The following CCND3 variants were observed in gnomAD, a reference collection of about 807,000 sequenced individuals.
CCND3 encodes G1/S-specific cyclin-D3.
CCND3 carries 9 observed loss-of-function variants against 28.7 expected under a neutral mutation model. The ratio of observed to expected loss-of-function variants is 0.31; its 90% CI spans 0.19 to 0.55. The LOEUF is 0.55. CCND3 is among the 20% of genes least tolerant of loss of function. The pLI is 0.93. For synonymous variants in CCND3, 164 were observed against 163.9 expected (o/e 1.00, Z 0.00); for missense variants, 315 against 385.8 (o/e 0.82, Z 1.54).
intron 1 of CCND3, among the ~76,000 whole-genome samples, chr6:41,952,954 A>G (rs1776349363): frequency 6.6e-6 from 1 of 152,184 alleles, no homozygotes; most frequent in African/African-American, 2.4e-5. Context: ...AATGACAGGC[A>G]TTGGGAATTG....
chr6:41,960,216 T>C (rs1761683213), intron 1 of CCND3, among the ~76,000 whole-genome samples: 2 of 152,166 alleles, frequency 1.3e-5, no homozygotes, highest in Admixed American at 1.3e-4. Flanking sequence ...AGATTCATGG[T>C]TGCCAGTGAC....
rs776516252 is a variant in CCND3, at chr6:41,936,518, TTA to T, written c.711+39_711+40del. On this transcript the variant is annotated intron_variant, in intron 4 of 4. Coordinates refer to ENST00000372991, the MANE Select transcript of CCND3 (RefSeq NM_001760.5). This position sits in a 1 kb window ranked among gnomAD's most constrained non-coding sequence, Gnocchi z 4.4. Reference sequence around the variant, plus strand: ...TGGAGGCTCAGGGCATAGCACTACTTTATGAATGGAGAGGCTGCTGCCCAGCT... The same window carrying T: ...TGGAGGCTCAGGGCATAGCACTACTTTGAATGGAGAGGCTGCTGCCCAGCT... The T allele has an allele frequency of 2.5e-6, 4 of 1,610,468 alleles. No individual in the cohort carries two copies. Among genetic ancestry groups the T allele is most frequent in the African/African-American group, 1.3e-5 (1 of 74,822 alleles).
At chr6:41,976,231 A>G (rs1373337670) in intron 1 of CCND3, among the ~76,000 whole-genome samples, 4 of 152,120 alleles carry the variant, frequency 2.6e-5, no homozygotes, top group Non-Finnish European at 4.4e-5. Context: ...ACACACCTGT[A>G]GTCCCAGCTA....
chr6:41,940,690 A>G, intron 1 of CCND3, 105 bp from the exon 2 acceptor site: 1 of 836,556 alleles, frequency 1.2e-6, no homozygotes, highest in Non-Finnish European at 2.0e-6. Flanking sequence ...AAAACGGCAG[A>G]GAGGGTAAGC....
At chr6:41,965,058 CTTTTTTTTTTTTTTTTTTTTT>C (rs56138276) in intron 1 of CCND3, among the ~76,000 whole-genome samples, 1 of 82,094 alleles carries the variant, frequency 1.2e-5, no homozygotes, top group Non-Finnish European at 2.1e-5. Flanking sequence ...TTTCACGTTG[CTTTTTTTTTTTTTTTTTTTTT>C]TTTTTTTTGA....
At chr6:42,012,866 C>T (rs757524669) in intron 1 of CCND3, among the ~76,000 whole-genome samples, 14 of 152,140 alleles carry the variant, frequency 9.2e-5, no homozygotes, top group Non-Finnish European at 1.6e-4. Context: ...CAGATGAATC[C>T]AGGCTCTTCT....
chr6:42,019,018 T>C (rs182238848), intron 1 of CCND3, among the ~76,000 whole-genome samples: 277 of 152,272 alleles, frequency 1.8e-3, no homozygotes, highest in African/African-American at 6.4e-3. Context: ...ATTTCAGTCA[T>C]GTTCTAAAAT....
chr6:41,941,516 A>C lies in CCND3; in HGVS notation c.134T>G (p.Phe45Cys). 6.2e-7 allele frequency: 1 copy of C among 1,607,244 alleles called. No homozygotes were observed. ...CTTGATCTCCCGCTGCACGCACTGG[A>C]AGTAGGAGGCGCGGGGTACGTAGCG... ...EERYVPRASY[F>C]QCVQREIKPH... Residue 45 changes from phenylalanine (F) to cysteine (C), a missense_variant, in exon 1 of 5, where the codon TTC becomes TGC. By Grantham distance (205) the Phe-to-Cys change is radical (BLOSUM62 -2). Transcript: ENST00000372991. The surrounding 1 kb of genome is among the most constrained non-coding windows in gnomAD (Gnocchi z 6.1).
intron 1 of CCND3, among the ~76,000 whole-genome samples, chr6:41,964,421 A>C (rs1761807968): frequency 7.5e-6 from 1 of 133,626 alleles, no homozygotes; most frequent in Non-Finnish European, 1.6e-5. Context: ...TCTGTGTGTG[A>C]ATGTGTTTGT....
intron 1 of CCND3, among the ~76,000 whole-genome samples, chr6:41,989,470 A>AC (rs1190197853): frequency 6.6e-6 from 1 of 151,066 alleles, no homozygotes; most frequent in Non-Finnish European, 1.5e-5. Flanking sequence ...AAAAAAACAA[A>AC]AAAAAAAAAC....
chr6:41,935,610 C>T lies in CCND3; in HGVS notation c.*330G>A, dbSNP rs1404058345. The T allele has an allele frequency of 2.2e-6, 1 of 447,914 alleles. No individual in the cohort carries two copies. Among genetic ancestry groups the T allele is most frequent in the East Asian group, 3.1e-5 (1 of 32,642 alleles). 27.7% of individuals were successfully genotyped at this position (447,914 alleles called of 1,614,324 possible). On this transcript the variant is annotated 3_prime_UTR_variant, in exon 5 of 5. Transcript: ENST00000372991. ...TTGGCAGTTGAAAACATGAGAGCCC[C>T]CAGGGGTGGGGGGGGGCGTTCAAAA...
In CCND3 at chr6:41,938,430, C is replaced by G. The variant is rs992143420; in HGVS notation, c.415-1036G>C. ...CAAATCAACCCCTACCCTCACAGAG[C>G]CCCAGAGAAAATAGCCTGGCCTGGA... On this transcript the variant is annotated intron_variant, in intron 2 of 4. Coordinates refer to ENST00000372991, the MANE Select transcript of CCND3 (RefSeq NM_001760.5). The surrounding 1 kb of genome is among the most constrained non-coding windows in gnomAD (Gnocchi z 4.6). 2.0e-5 allele frequency among the ~76,000 whole-genome samples: 3 copies of G among 152,208 alleles called. No individual in the cohort carries two copies. The highest frequency in any genetic ancestry group is 2.1e-4 in the South Asian group (1 of 4,832).
chr6:42,016,092 C>T (rs548036885), intron 1 of CCND3, among the ~76,000 whole-genome samples: 64 of 152,038 alleles, frequency 4.2e-4, no homozygotes, highest in African/African-American at 1.5e-3. Context: ...TGTGCCACCA[C>T]CCCCAGCCAA....
upstream of CCND3, chr6:42,049,043 T>A (rs1764641543): frequency 6.0e-6 from 1 of 167,630 alleles, no homozygotes; most frequent in Non-Finnish European, 1.3e-5. Context: ...CTTTTTCTTT[T>A]TCTTTTTTTT....
At chr6:41,972,450 A>G (rs1179238359) in intron 1 of CCND3, among the ~76,000 whole-genome samples, 1 of 152,080 alleles carries the variant, frequency 6.6e-6, no homozygotes, top group Non-Finnish European at 1.5e-5. Context: ...TGATGTGGCC[A>G]TGGAGTTTAG....
chr6:42,042,273 A>G (rs1764389309), intron 1 of CCND3, among the ~76,000 whole-genome samples: 1 of 152,136 alleles, frequency 6.6e-6, no homozygotes. Context: ...GACAGCAGCT[A>G]TCACTCAAAG....
Position 41,937,221 on chromosome 6 carries a change from C to G in CCND3, c.574+14G>C. 1 of 1,614,070 alleles carries G rather than the reference C, an allele frequency of 6.2e-7. No homozygotes were observed. Among genetic ancestry groups the G allele is most frequent in the South Asian group, 1.1e-5 (1 of 91,084 alleles). ...ATTTTTCCAATTTGGCAAAAATGTG[C>G]ATAGGGCTCTTACCTGTAGCACAGA... On this transcript the variant is annotated intron_variant, in intron 3 of 4. Transcript: ENST00000372991.
chr6:42,045,845 T>A (rs1764525707), intron 1 of CCND3, among the ~76,000 whole-genome samples: 1 of 152,138 alleles, frequency 6.6e-6, no homozygotes, highest in African/African-American at 2.4e-5. Flanking sequence ...CTTCCTCTTG[T>A]GGTTTTTCAA....
chr6:41,990,364 G>A (rs1233720189), intron 1 of CCND3, among the ~76,000 whole-genome samples: 3 of 151,954 alleles, frequency 2.0e-5, no homozygotes, highest in East Asian at 3.9e-4. Flanking sequence ...TAAAATGATC[G>A]TATTACCAAA....
Sources: gnomAD v4.1 joint callset for allele counts (sites outside exome capture counted in the v4.1 genomes callset) on GRCh38, gnomAD v4.1.1 for gene constraint, Gnocchi (gnomAD v3.1) non-coding constraint, MANE v1.5 for transcripts, NCBI Gene and HGNC (gene_info 2026-07-23, HGNC 2026-07-21) for gene names.